GPR158: variants seen among roughly 807,000 people sequenced by gnomAD.
GPR158 encodes metabotropic glycine receptor.
In GPR158, 30 loss-of-function variants were observed where a neutral mutation model predicts 78.2. The observed-to-expected ratio is 0.38, with a 90% CI of 0.29 to 0.52. The LOEUF (loss-of-function observed/expected upper bound fraction) is 0.52, where lower values mean the gene tolerates loss of function less well. Ranked by LOEUF, GPR158 falls within the 20% of genes least tolerant of loss-of-function variation. The pLI, the probability that GPR158 is intolerant of heterozygous loss-of-function variation, is 0.83. For missense variants in GPR158, 1,463 were observed against 1,523.5 expected, an observed-to-expected ratio of 0.96 and a Z score of 0.66; for synonymous variants, 581 against 591.1, an observed-to-expected ratio of 0.98 and a Z score of 0.25.
chr10:25,410,318 A>G (rs1418460639), intron 3 of GPR158, among the ~76,000 whole-genome samples: 1 of 152,136 alleles, frequency 6.6e-6, no homozygotes, highest in African/African-American at 2.4e-5. Context: ...TATGATTTCT[A>G]TAAATATTAA....
In GPR158 at chr10:25,176,132, G is replaced by A. The variant is rs372560108; in HGVS notation, c.712G>A (p.Gly238Ser). 27 of 1,572,414 alleles carry A rather than the reference G, an allele frequency of 1.7e-5. No individual in the cohort carries two copies. Among genetic ancestry groups the A allele is most frequent in the Non-Finnish European group, 2.2e-5 (25 of 1,160,312 alleles). ...RKWRPHLHRR[G>S]PNQGPRGLGH... ...GTGGAGGCCCCACTTACACCGCCGC[G>A]GCCCCAATCAGGGGCCCCGGGGCCT... The change falls in exon 1 of 11, where the codon GGC becomes AGC. Residue 238 changes from glycine (G) to serine (S), a missense_variant. Transcript: ENST00000376351. The surrounding 1 kb of genome is among the most constrained non-coding windows in gnomAD (Gnocchi z 6.3).
chr10:25,178,038 C>T (rs368424141), intron 1 of GPR158, among the ~76,000 whole-genome samples: 2 of 152,302 alleles, frequency 1.3e-5, no homozygotes, highest in Admixed American at 6.5e-5. Context: ...TTTTAGGGAG[C>T]CCCAAGTCCC....
intron 2 of GPR158, among the ~76,000 whole-genome samples, chr10:25,343,080 G>A (rs1015526076): frequency 2.0e-4 from 31 of 152,034 alleles, no homozygotes; most frequent in African/African-American, 7.5e-4. Flanking sequence ...TTCCTAGTGA[G>A]GTTTACATCT....
At chr10:25,422,850 A>T in intron 4 of GPR158, among the ~76,000 whole-genome samples, 1 of 130,398 alleles carries the variant, frequency 7.7e-6, no homozygotes, top group Non-Finnish European at 1.6e-5. Flanking sequence ...TTATTCCCTT[A>T]CCCCCCCCAC....
intron 6 of GPR158, among the ~76,000 whole-genome samples, chr10:25,553,084 G>C (rs923666448): frequency 6.6e-6 from 1 of 151,714 alleles, no homozygotes; most frequent in Non-Finnish European, 1.5e-5. Flanking sequence ...TATTTTTTTA[G>C]TTATTTTCTA....
At chr10:25,321,013 A>G (rs1448904192) in intron 2 of GPR158, among the ~76,000 whole-genome samples, 2 of 152,216 alleles carry the variant, frequency 1.3e-5, no homozygotes, top group African/African-American at 4.8e-5. Flanking sequence ...GCACAAAGTA[A>G]TATAAATGTT....
intron 2 of GPR158, among the ~76,000 whole-genome samples, chr10:25,322,364 G>A (rs1024391134): frequency 2.7e-4 from 40 of 149,942 alleles, no homozygotes; most frequent in African/African-American, 9.5e-4. Flanking sequence ...CTGGGTGACA[G>A]AGCGAGACTC....
At chr10:25,510,013 C>G (rs1009573074) in intron 5 of GPR158, among the ~76,000 whole-genome samples, 1 of 152,178 alleles carries the variant, frequency 6.6e-6, no homozygotes, top group Non-Finnish European at 1.5e-5. Flanking sequence ...CGTGCCCAGC[C>G]TATATTGCCT....
chr10:25,403,265 T>C (rs2130538212), intron 3 of GPR158, among the ~76,000 whole-genome samples: 1 of 152,100 alleles, frequency 6.6e-6, no homozygotes, highest in African/African-American at 2.4e-5. Flanking sequence ...GTCAATGAAA[T>C]AAAATTAAGG....
At chr10:25,346,542 C>CT (rs1346766228) in intron 2 of GPR158, among the ~76,000 whole-genome samples, 1 of 151,940 alleles carries the variant, frequency 6.6e-6, no homozygotes, top group Non-Finnish European at 1.5e-5. Context: ...TTCACCAACT[C>CT]TTTTCAGGTG....
intron 1 of GPR158, among the ~76,000 whole-genome samples, chr10:25,184,353 G>C (rs553680846): frequency 2.6e-5 from 4 of 152,172 alleles, no homozygotes; most frequent in Non-Finnish European, 5.9e-5. Context: ...ACCATGCCTG[G>C]CTAATTTTTT....
chr10:25,185,262 AT>A (rs1852666195), intron 1 of GPR158, among the ~76,000 whole-genome samples: 1 of 152,200 alleles, frequency 6.6e-6, no homozygotes, highest in Admixed American at 6.5e-5. Context: ...GTGTGCATAT[AT>A]TTATGCTCAT....
At chr10:25,487,070 G>A (rs1270153160) in intron 5 of GPR158, among the ~76,000 whole-genome samples, 1 of 152,008 alleles carries the variant, frequency 6.6e-6, no homozygotes, top group Non-Finnish European at 1.5e-5. Context: ...TGGGAATCAC[G>A]ATATAACAGA....
At chr10:25,583,693 GATAGGATATAGA>G (rs1040157017) in intron 7 of GPR158, among the ~76,000 whole-genome samples, 8 of 152,012 alleles carry the variant, frequency 5.3e-5, no homozygotes, top group Non-Finnish European at 1.0e-4. Context: ...TTTTTAAGTG[GATAGGATATAGA>G]GAAAAATAGA....
In GPR158 at chr10:25,527,734, C is replaced by T. The variant is rs2080704183; in HGVS notation, c.1405-23242C>T. On this transcript the variant is annotated intron_variant, in intron 5 of 10. Coordinates refer to ENST00000376351, the MANE Select transcript of GPR158 (RefSeq NM_020752.3). Reference sequence around the variant, plus strand: ...AAGTAAGAATCTACTTGAAATCAGACATATAATAGAGAAACCCAAAAGCTG... The same window carrying T: ...AAGTAAGAATCTACTTGAAATCAGATATATAATAGAGAAACCCAAAAGCTG... 2.6e-5 allele frequency among the ~76,000 whole-genome samples: 4 copies of T among 151,906 alleles called. No homozygotes were observed. The South Asian group carries it at 8.3e-4, about 31-fold the overall frequency.
In GPR158 at chr10:25,470,310, G is replaced by C. The variant is rs920789842; in HGVS notation, c.1404+3591G>C. 3.9e-5 allele frequency among the ~76,000 whole-genome samples: 6 copies of C among 152,038 alleles called. 1 individual carries two copies. In the East Asian group the frequency reaches 1.2e-3, roughly 29 times the overall value. Reference sequence around the variant, plus strand: ...TGTTGAGAAGTGGGGTATTTTCGGAGGTGTTTAGAGCCCTCATGTATGGGT... The same window carrying C: ...TGTTGAGAAGTGGGGTATTTTCGGACGTGTTTAGAGCCCTCATGTATGGGT... On this transcript the variant is annotated intron_variant, in intron 5 of 10. Transcript: ENST00000376351.
At chr10:25,567,804 A>G (rs961360597) in intron 6 of GPR158, among the ~76,000 whole-genome samples, 17 of 152,166 alleles carry the variant, frequency 1.1e-4, no homozygotes, top group African/African-American at 4.1e-4. Flanking sequence ...TCAGATGCAC[A>G]ATAGTGAAAG....
At chr10:25,321,542 T>C (rs1588798007) in intron 2 of GPR158, among the ~76,000 whole-genome samples, 2 of 152,322 alleles carry the variant, frequency 1.3e-5, no homozygotes, top group Middle Eastern at 6.8e-3. Flanking sequence ...ATGTTTTTGG[T>C]ATAATTTTGG....
chr10:25,470,763 C>A (rs1171434742), intron 5 of GPR158, among the ~76,000 whole-genome samples: 2 of 152,122 alleles, frequency 1.3e-5, no homozygotes, highest in African/African-American at 4.8e-5. Flanking sequence ...TAACCAAAGT[C>A]ATCAGATCAC....
Sources: allele counts gnomAD v4.1 joint callset (sites outside exome capture counted in the v4.1 genomes callset), GRCh38; gene constraint gnomAD v4.1.1; non-coding constraint Gnocchi (gnomAD v3.1); transcripts MANE v1.5; gene names NCBI Gene and HGNC (gene_info 2026-07-23, HGNC 2026-07-21).